WRAP53: variants seen among roughly 807,000 people sequenced by gnomAD.
WRAP53 encodes the protein telomerase Cajal body protein 1.
Under a neutral mutation model 56.6 loss-of-function variants are expected in WRAP53, and 28 were observed. The observed-to-expected ratio is 0.50, with a 90% CI of 0.37 to 0.68. WRAP53 has a LOEUF of 0.68. Ranked by LOEUF, WRAP53 falls within the 30% of genes least tolerant of loss-of-function variation. WRAP53 has a pLI of 0.00. For synonymous variants in WRAP53, 283 were observed against 283.4 expected, an observed-to-expected ratio of 1.00 and a Z score of 0.01; for missense variants, 671 against 715.5, an observed-to-expected ratio of 0.94 and a Z score of 0.71.
chr17:7,695,071 G>A (rs1224253837), intron 4 of WRAP53, among the ~76,000 whole-genome samples: 1 of 151,944 alleles, frequency 6.6e-6, no homozygotes, highest in African/African-American at 2.4e-5. Context: ...TCCTGCCTCA[G>A]CCTCTCGAGT....
rs951210136 is a variant in WRAP53, at chr17:7,702,013, A to C, written c.955+224A>C. On this transcript the variant is annotated intron_variant, in intron 7 of 10. Transcript: ENST00000396463. This position sits in a 1 kb window ranked among gnomAD's most constrained non-coding sequence, Gnocchi z 5.0. ...AAAGGACTGCTTCCTTCCTGAACTC[A>C]TACCCTGTCAGCTGTGGAGCTTTTG... The C allele has an allele frequency of 1.0e-5, 8 of 770,038 alleles. No homozygotes were observed. The highest frequency in any genetic ancestry group is 8.6e-5 in the African/African-American group (5 of 58,476). 47.7% of individuals were successfully genotyped at this position (770,038 alleles called of 1,614,324 possible).
Position 7,702,197 on chromosome 17 carries a change from A to G in WRAP53, c.956-147A>G. ...GGAGGATAGATGTGGGGAGCATCAG[A>G]GGTCTTTGTCCTGCTTGTGACAGAC... On this transcript the variant is annotated intron_variant, in intron 7 of 10. Coordinates refer to ENST00000396463, the MANE Select transcript of WRAP53 (RefSeq NM_001143992.2). The surrounding 1 kb of genome is among the most constrained non-coding windows in gnomAD (Gnocchi z 5.0). 1.2e-6 allele frequency: 1 copy of G among 847,164 alleles called. No homozygotes were observed. Among genetic ancestry groups the G allele is most frequent in the Non-Finnish European group, 1.9e-6 (1 of 518,666 alleles). 52.5% of individuals were successfully genotyped at this position (847,164 alleles called of 1,614,324 possible).
chr17:7,687,741 C>T, upstream of WRAP53: 1 of 397,474 alleles, frequency 2.5e-6, no homozygotes, highest in Non-Finnish European at 4.4e-6. Context: ...GCTGTGAGGG[C>T]AGAATTGGTG....
chr17:7,693,791 A>C (rs1312738036), intron 4 of WRAP53, among the ~76,000 whole-genome samples: 2 of 152,220 alleles, frequency 1.3e-5, no homozygotes. Context: ...GGTAAACACT[A>C]GTAGTCACTG....
chr17:7,693,209 A>C (rs2151089160), intron 4 of WRAP53, among the ~76,000 whole-genome samples: 1 of 145,636 alleles, frequency 6.9e-6, no homozygotes, highest in East Asian at 2.0e-4. Flanking sequence ...GAGTTTCAAA[A>C]AATCAGACCC....
chr17:7,699,502 T>TTTTATA (rs1555530501), intron 4 of WRAP53, among the ~76,000 whole-genome samples: 2 of 11,764 alleles, frequency 1.7e-4, no homozygotes, highest in South Asian at 2.7e-3. Context: ...ATATATATAT[T>TTTTATA]TATATATATA....
upstream of WRAP53, chr17:7,686,940 A>G (rs1241834957): frequency 6.0e-6 from 1 of 167,054 alleles, no homozygotes; most frequent in Non-Finnish European, 1.3e-5. Flanking sequence ...TTCGGAATGG[A>G]GCCCCAGTTT....
At chr17:7,697,451 A>C (rs1467971497) in intron 4 of WRAP53, among the ~76,000 whole-genome samples, 1 of 152,136 alleles carries the variant, frequency 6.6e-6, no homozygotes, top group Admixed American at 6.5e-5. Context: ...TGAGGCTGGG[A>C]GTTTGAGACC....
At position 7,702,537 on chromosome 17, in the gene WRAP53, C is replaced by T. The variant is rs1409827785; in HGVS notation, c.1149C>T (p.Phe383=). ...LCFHPDGNRF[F]SGARKDAELL... is the part of the protein sequence containing the mutation. ...TTCATCCCGATGGCAACCGCTTCTT[C>T]TCAGGAGCCCGCAAGGTAGGGGTCA... Residue 383 remains phenylalanine, a synonymous_variant, in exon 8 of 11, where the codon TTC becomes TTT. Transcript: ENST00000396463. The surrounding 1 kb of genome is among the most constrained non-coding windows in gnomAD (Gnocchi z 5.0). 1.9e-6 allele frequency: 3 copies of T among 1,610,292 alleles called. No homozygotes were observed. Among genetic ancestry groups the T allele is most frequent in the Non-Finnish European group, 1.7e-6 (2 of 1,179,800 alleles).
rs1064796155 is a variant in WRAP53, at chr17:7,703,088, TGA to T, written c.1366_1367del (p.Ser456PhefsTer16). 1.2e-6 allele frequency: 2 copies of T among 1,613,950 alleles called. No homozygotes were observed. The highest frequency in any genetic ancestry group is 3.3e-5 in the Admixed American group (2 of 60,002). On this transcript the variant is annotated frameshift_variant, in exon 10 of 11. Coordinates refer to ENST00000396463, the MANE Select transcript of WRAP53 (RefSeq NM_001143992.2). LOFTEE classifies it high-confidence loss of function. ...AATGATGGGAAGCCGGAGCCCGTGT[TGA>T]GTTTTCTGCCCCAGAAGGACTGCAC...
chr17:7,699,510 ATATATATATATTT>A (rs2074243185), intron 4 of WRAP53, among the ~76,000 whole-genome samples: 5 of 26,252 alleles, frequency 1.9e-4, no homozygotes, highest in African/African-American at 1.1e-3. Context: ...ATTTATATAT[ATATATATATATTT>A]ATATATATAT....
Position 7,703,452 on chromosome 17 carries a change from G to T in WRAP53, c.1613G>T (p.Gly538Val), listed in dbSNP as rs765587386. The T allele has an allele frequency of 6.2e-7, 1 of 1,613,816 alleles. No homozygotes were observed. The highest frequency in any genetic ancestry group is 1.1e-5 in the South Asian group (1 of 91,056). ...GATCACCAGGGCGAGAAAGGGCAGG[G>T]AGGAACGGAGGGAGGTGTGGGTGAG... The part of the protein sequence containing the change: ...PDDHQGEKGQ[G>V]GTEGGVGELI Residue 538 changes from glycine to valine, a missense_variant, in exon 11 of 11, where the codon GGA becomes GTA. Gly to Val is a moderately radical substitution (Grantham distance 109). Around this residue, in one of 3 missense-constraint regions of WRAP53, gnomAD observed 107 missense variants for 81.3 expected, o/e 1.32. Transcript: ENST00000396463.
chr17:7,698,242 T>C (rs1186381042), intron 4 of WRAP53, among the ~76,000 whole-genome samples: 1 of 152,150 alleles, frequency 6.6e-6, no homozygotes, highest in African/African-American at 2.4e-5. Flanking sequence ...CTTCTACATG[T>C]GTACAGAATG....
chr17:7,699,466 A>ATATATATT (rs2074233073), intron 4 of WRAP53, among the ~76,000 whole-genome samples: 7 of 21,538 alleles, frequency 3.3e-4, no homozygotes, highest in Non-Finnish European at 5.1e-4. Flanking sequence ...ATTTATATAT[A>ATATATATT]TATATATATT....
chr17:7,687,245 C>T, upstream of WRAP53: 1 of 398,122 alleles, frequency 2.5e-6, no homozygotes. Flanking sequence ...AAGCTTCCAT[C>T]CCACTCACCC....
chr17:7,701,937 C>G lies in WRAP53; in HGVS notation c.955+148C>G. On this transcript the variant is annotated intron_variant, in intron 7 of 10. Coordinates refer to ENST00000396463, the MANE Select transcript of WRAP53 (RefSeq NM_001143992.2). This position sits in a 1 kb window ranked among gnomAD's most constrained non-coding sequence, Gnocchi z 4.2. ...AGGTGCAGCCCAGTCGGCAGAGGAG[C>G]AAACAGGCTCAGAGCAGGTAGGAAA... 1 of 1,345,118 alleles carries G rather than the reference C, an allele frequency of 7.4e-7. No homozygotes were observed. Among genetic ancestry groups the G allele is most frequent in the Non-Finnish European group, 1.0e-6 (1 of 972,490 alleles). 83.3% of individuals were successfully genotyped at this position (1,345,118 alleles called of 1,614,324 possible).
chr17:7,698,057 G>C (rs776914583), intron 4 of WRAP53, among the ~76,000 whole-genome samples: 7 of 152,012 alleles, frequency 4.6e-5, no homozygotes, highest in Non-Finnish European at 8.8e-5. Flanking sequence ...GTAAAACTGG[G>C]GTCTTGCTAT....
At chr17:7,694,679 C>A (rs75641445) in intron 4 of WRAP53, among the ~76,000 whole-genome samples, 113 of 152,132 alleles carry the variant, frequency 7.4e-4, no homozygotes, top group African/African-American at 2.5e-3. Flanking sequence ...CAGCCAGATC[C>A]TGTCTCTATC....
At chr17:7,691,797 T>C (rs574365066) in intron 4 of WRAP53, among the ~76,000 whole-genome samples, 2 of 151,982 alleles carry the variant, frequency 1.3e-5, no homozygotes, top group South Asian at 4.2e-4. Flanking sequence ...AGTGCTAGGA[T>C]TACAGGCGTG....
Sources: allele counts gnomAD v4.1 joint callset (sites outside exome capture counted in the v4.1 genomes callset), GRCh38; gene constraint gnomAD v4.1.1; regional missense constraint gnomAD v4.1.1; non-coding constraint Gnocchi (gnomAD v3.1); transcripts MANE v1.5; gene names NCBI Gene and HGNC (gene_info 2026-07-23, HGNC 2026-07-21).